ARID4A: variants seen among roughly 807,000 people sequenced by gnomAD.
ARID4A encodes the protein AT-rich interactive domain-containing protein 4A.
Under a neutral mutation model 148.6 loss-of-function variants are expected in ARID4A, and 39 were observed. That is an observed-to-expected ratio of 0.26 (90% CI 0.20 to 0.34). The LOEUF is 0.34. Ranked by LOEUF, ARID4A falls within the 10% of genes least tolerant of loss-of-function variation. The pLI, the probability that ARID4A is intolerant of heterozygous loss-of-function variation, is 1.00. For missense variants in ARID4A, 1,265 were observed against 1,449.1 expected, an observed-to-expected ratio of 0.87 and a Z score of 2.06; for synonymous variants, 475 against 481.2, an observed-to-expected ratio of 0.99 and a Z score of 0.17.
chr14:58,359,160 A>G lies in ARID4A; in HGVS notation c.1882A>G (p.Ile628Val). 4 of 1,583,302 alleles carry G rather than the reference A, an allele frequency of 2.5e-6. No homozygotes were observed. The highest frequency in any genetic ancestry group is 3.4e-6 in the Non-Finnish European group (4 of 1,170,978). The change falls in exon 18 of 24, where the codon ATA becomes GTA. Residue 628 changes from isoleucine (I) to valine (V), a missense_variant. By Grantham distance (29) the Ile-to-Val change is conservative. Coordinates refer to ENST00000355431, the MANE Select transcript of ARID4A (RefSeq NM_002892.4). ...RYDEWVKADR[I>V]IWPLDKGGPK... is the part of the protein sequence containing the mutation. ...TGATGAGTGGGTGAAGGCTGACAGG[A>G]TAATCTGGCCTTTGGACAAAGGTGG... is the stretch of plus-strand genomic sequence containing the variant.
intron 2 of ARID4A, 42 bp downstream of exon 2, chr14:58,299,902 A>T: frequency 6.2e-7 from 1 of 1,613,208 alleles, no homozygotes; most frequent in Non-Finnish European, 8.5e-7. Flanking sequence ...CGCCCTGAAC[A>T]CTGCCAATCC....
chr14:58,300,758 C>T (rs1261012071), intron 2 of ARID4A, among the ~76,000 whole-genome samples: 1 of 151,042 alleles, frequency 6.6e-6, no homozygotes, highest in African/African-American at 2.4e-5. Context: ...GTTAACTTTG[C>T]ACTTAACAAT....
At chr14:58,330,978 T>C (rs2036003816) in intron 11 of ARID4A, among the ~76,000 whole-genome samples, 2 of 152,224 alleles carry the variant, frequency 1.3e-5, no homozygotes, top group Admixed American at 1.3e-4. Context: ...ACAATGAATT[T>C]ACTGAAAAGG....
intron 23 of ARID4A, among the ~76,000 whole-genome samples, chr14:58,369,615 A>AG (rs1491261049): frequency 2.1e-4 from 1 of 4,766 alleles, no homozygotes; most frequent in Non-Finnish European, 2.2e-3. Context: ...AGTCTGTCTC[A>AG]AAAAAAAAAA....
At chr14:58,353,583 C>G (rs2034734937) in intron 16 of ARID4A, 75 bp from the exon 17 acceptor site, 1 of 1,281,336 alleles carries the variant, frequency 7.8e-7, no homozygotes, top group African/African-American at 1.5e-5. Flanking sequence ...AATAATCTAC[C>G]TGTTGGATTC....
At chr14:58,367,052 C>T (rs777620545) in intron 23 of ARID4A, 23 bp downstream of exon 23, 1 of 1,417,640 alleles carries the variant, frequency 7.1e-7, no homozygotes, top group Non-Finnish European at 9.2e-7. Context: ...TGATTTTTCT[C>T]CCCTTATATT....
At position 58,355,332 on chromosome 14, in the gene ARID4A, C is replaced by G. The variant is rs2034823233; in HGVS notation, c.1853+1477C>G. The stretch of plus-strand genomic sequence containing the variant: ...CCCTCTCATCTGCTGGAAATGTGTT[C>G]CAGGACCCCCAGTGGATGCCTGAAA... On this transcript the variant is annotated intron_variant, in intron 17 of 23. Transcript: ENST00000355431. Among the ~76,000 whole-genome samples, 3 of 152,112 alleles carry G rather than the reference C, an allele frequency of 2.0e-5. No homozygotes were observed. The South Asian group carries it at 6.2e-4, about 31-fold the overall frequency.
Position 58,305,372 on chromosome 14 carries a change from A to G in ARID4A, c.183+363A>G, listed in dbSNP as rs139232229. On this transcript the variant is annotated intron_variant, in intron 4 of 23. Transcript: ENST00000355431. ...ATAACCATCAATCTTTGGTTGTTCT[A>G]ATTTACCAAGTAAACTATGTTCACT... Among the ~76,000 whole-genome samples, 1,086 of 152,182 alleles carry G rather than the reference A, an allele frequency of 7.1e-3. 5 individuals carry two copies. The highest frequency in any genetic ancestry group is 0.01 in the Non-Finnish European group (711 of 67,960).
intron 7 of ARID4A, among the ~76,000 whole-genome samples, chr14:58,321,981 G>A (rs925264687): frequency 4.0e-5 from 6 of 150,844 alleles, no homozygotes; most frequent in Non-Finnish European, 7.4e-5. Context: ...TTGTTTGTTT[G>A]TTTTTTTGAG....
chr14:58,346,670 G>A (rs2034378991), intron 13 of ARID4A, among the ~76,000 whole-genome samples, 165 bp downstream of exon 13: 3 of 151,910 alleles, frequency 2.0e-5, no homozygotes, highest in Admixed American at 6.6e-5. Flanking sequence ...GCTCACGCCT[G>A]TAATCCCAGC....
intron 16 of ARID4A, 49 bp from the exon 17 acceptor site, chr14:58,353,609 T>C (rs2034736057): frequency 6.6e-7 from 1 of 1,504,578 alleles, no homozygotes; most frequent in Admixed American, 1.8e-5. Context: ...GCATATTTTA[T>C]TCTCCATTAA....
Position 58,320,512 on chromosome 14 carries a change from G to T in ARID4A, c.449+1707G>T, listed in dbSNP as rs150819262. On this transcript the variant is annotated intron_variant, in intron 7 of 23. Coordinates refer to ENST00000355431, the MANE Select transcript of ARID4A (RefSeq NM_002892.4). Reference sequence around the variant, plus strand: ...CCCCTGATTACAGGATCCAATTCAGGATCATGCATTGCATATAGTTTATAT... The same window carrying T: ...CCCCTGATTACAGGATCCAATTCAGTATCATGCATTGCATATAGTTTATAT... Among the ~76,000 whole-genome samples, 190 of 151,768 alleles carry T rather than the reference G, an allele frequency of 1.3e-3. 8 individuals carry two copies. The East Asian group carries it at 0.029, about 23-fold the overall frequency.
At chr14:58,299,228 G>A (rs2030890652) in intron 1 of ARID4A, 1 of 151,834 alleles carries the variant, frequency 6.6e-6, no homozygotes, top group South Asian at 2.1e-4. Context: ...CGGGTCCCCC[G>A]GGGCTCTGGC....
At chr14:58,302,100 G>A (rs2031219717) in intron 3 of ARID4A, among the ~76,000 whole-genome samples, 1 of 152,156 alleles carries the variant, frequency 6.6e-6, no homozygotes, top group Non-Finnish European at 1.5e-5. Flanking sequence ...TCTCATGCCT[G>A]TAATCCAAGC....
chr14:58,312,922 T>C (rs2032149812), intron 5 of ARID4A, among the ~76,000 whole-genome samples: 1 of 152,214 alleles, frequency 6.6e-6, no homozygotes, highest in Non-Finnish European at 1.5e-5. Flanking sequence ...TTTACTGTTA[T>C]TATTTTACTA....
At position 58,372,093 on chromosome 14, in the gene ARID4A, G is replaced by A; in HGVS notation, c.*104G>A. 1.3e-6 allele frequency: 1 copy of A among 751,294 alleles called. No individual in the cohort carries two copies. The highest frequency in any genetic ancestry group is 2.3e-6 in the Non-Finnish European group (1 of 437,854). The allele number at this position is 751,294 out of a possible 1,614,324, so 46.5% of individuals were successfully genotyped here. A position where few individuals can be genotyped will look rare whatever the true frequency, so the allele number is the denominator to read the frequency against. Reference sequence around the variant, plus strand: ...CACTCAACTGGTTTGACATTGCTAAGTATATCCTGTATACTTTTCCAGGCT... The same window carrying A: ...CACTCAACTGGTTTGACATTGCTAAATATATCCTGTATACTTTTCCAGGCT... On this transcript the variant is annotated 3_prime_UTR_variant, in exon 24 of 24. Coordinates refer to ENST00000355431, the MANE Select transcript of ARID4A (RefSeq NM_002892.4).
intron 8 of ARID4A, among the ~76,000 whole-genome samples, chr14:58,327,322 A>G (rs1023169061): frequency 2.6e-5 from 4 of 152,196 alleles, no homozygotes; most frequent in Admixed American, 2.0e-4. Flanking sequence ...GGAGAGCATG[A>G]ACAGATATAT....
At chr14:58,318,046 C>G (rs2032587887) in intron 5 of ARID4A, among the ~76,000 whole-genome samples, 2 of 151,862 alleles carry the variant, frequency 1.3e-5, no homozygotes, top group African/African-American at 4.8e-5. Context: ...TATCTTATGA[C>G]TTTAGAATTT....
chr14:58,329,867 T>C (rs772581240), intron 10 of ARID4A, 136 bp from the exon 11 acceptor site: 20 of 1,357,026 alleles, frequency 1.5e-5, no homozygotes, highest in Non-Finnish European at 2.0e-5. Flanking sequence ...TTATGAAATA[T>C]GTTAAAGCTT....
Sources: allele counts gnomAD v4.1 joint callset (sites outside exome capture counted in the v4.1 genomes callset), GRCh38; gene constraint gnomAD v4.1.1; transcripts MANE v1.5; gene names NCBI Gene and HGNC (gene_info 2026-07-23, HGNC 2026-07-21).